RGS6: variants seen among roughly 807,000 people sequenced by gnomAD.
The protein encoded by RGS6 is regulator of G-protein signaling 6.
A neutral mutation model predicts 78.5 loss-of-function variants in RGS6; 30 were observed. The observed-to-expected ratio is 0.38, with a 90% CI of 0.29 to 0.52. RGS6 has a LOEUF of 0.52. Among genes scored for constraint, RGS6 ranks in the 20% least tolerant of loss-of-function variants. RGS6 has a pLI of 0.85. For synonymous variants in RGS6, 206 were observed against 206.0 expected (o/e 1.00, Z 0.00); for missense variants, 495 against 609.7 (o/e 0.81, Z 1.98).
At chr14:72,271,375 G>A (rs530529140) in intron 2 of RGS6, among the ~76,000 whole-genome samples, 3 of 152,210 alleles carry the variant, frequency 2.0e-5, no homozygotes, top group East Asian at 1.9e-4. Flanking sequence ...AGACTTATTC[G>A]CTACCATGAG....
At chr14:72,030,596 T>TACTGATTTCTTTTTCTGTTAGATA (rs201784586) in intron 2 of RGS6, among the ~76,000 whole-genome samples, 7,486 of 152,282 alleles carry the variant, frequency 0.049, 268 homozygotes, top group African/African-American at 0.097. Context: ...TCATAATTGT[T>TACTGATTTCTTTTTCTGTTAGATA]AAGGTGTAGG....
the RGS6 span, among the ~76,000 whole-genome samples, chr14:72,611,160 G>C: frequency 2.1e-4 from 32 of 152,166 alleles, no homozygotes; most frequent in Non-Finnish European, 4.1e-4. Flanking sequence ...TCCACACATG[G>C]ACAGATACAC....
intron 2 of RGS6, among the ~76,000 whole-genome samples, chr14:72,101,365 G>A (rs561756995): frequency 6.6e-6 from 1 of 152,194 alleles, no homozygotes; most frequent in Non-Finnish European, 1.5e-5. Flanking sequence ...TCAAAAGTAA[G>A]CATTGATGTG....
the RGS6 span, among the ~76,000 whole-genome samples, chr14:71,923,453 G>T: frequency 4.6e-5 from 7 of 152,328 alleles, no homozygotes; most frequent in African/African-American, 1.7e-4. Context: ...TGGCATGGTG[G>T]TGTACACCTG....
At chr14:72,391,683 TG>T (rs1433649437) in intron 3 of RGS6, among the ~76,000 whole-genome samples, 1 of 152,234 alleles carries the variant, frequency 6.6e-6, no homozygotes, top group Non-Finnish European at 1.5e-5. Flanking sequence ...TGTGCCATGT[TG>T]GTTTGCTGCA....
chr14:72,300,564 T>C (rs847364), intron 2 of RGS6, among the ~76,000 whole-genome samples: 48,557 of 152,084 alleles, frequency 0.32, 8,016 homozygotes, highest in South Asian at 0.39. Flanking sequence ...ATTTTTATGG[T>C]CTAACTTTAG....
chr14:71,981,833 T>C (rs933998460), intron 2 of RGS6, among the ~76,000 whole-genome samples: 1 of 148,782 alleles, frequency 6.7e-6, no homozygotes, highest in Non-Finnish European at 1.5e-5. Context: ...GCTTCCCGGC[T>C]GCTTTGTTTA....
chr14:72,616,710 G>C, the RGS6 span, among the ~76,000 whole-genome samples: 331 of 152,240 alleles, frequency 2.2e-3, no homozygotes, highest in South Asian at 4.2e-3. Flanking sequence ...CTACTCCATG[G>C]CAGAGGCAAC....
intron 12 of RGS6, among the ~76,000 whole-genome samples, chr14:72,479,766 G>GC (rs1566947009): frequency 6.6e-6 from 1 of 152,130 alleles, no homozygotes. Context: ...TGGTTCCTTT[G>GC]CCCCAGAAAG....
At position 72,564,162 on chromosome 14, in the gene RGS6, G is replaced by A. The variant is rs996001721; in HGVS notation, c.*1695G>A. 2.0e-5 allele frequency: 3 copies of A among 152,208 alleles called. No homozygotes were observed. The highest frequency in any genetic ancestry group is 1.9e-4 in the East Asian group (1 of 5,190). The allele number at this position is 152,208 out of a possible 1,614,324, so 9.4% of individuals were successfully genotyped here. A position where few individuals can be genotyped will look rare whatever the true frequency, so the allele number is the denominator to read the frequency against. ...TTCTGTCCCTCACAGCAGTGCCATC[G>A]CGGGCATTAGGAGTCTTCGTTATGT... On this transcript the variant is annotated 3_prime_UTR_variant, in exon 18 of 18. Coordinates refer to ENST00000553525, the MANE Select transcript of RGS6 (RefSeq NM_001204424.2).
At chr14:72,628,886 TGGAG>T in the RGS6 span, among the ~76,000 whole-genome samples, 1 of 152,314 alleles carries the variant, frequency 6.6e-6, no homozygotes, top group South Asian at 2.1e-4. Context: ...GAGAATAAGA[TGGAG>T]GGAAAAGTCT....
intron 3 of RGS6, among the ~76,000 whole-genome samples, chr14:72,441,481 G>A (rs1436184171): frequency 6.6e-6 from 1 of 152,224 alleles, no homozygotes; most frequent in Non-Finnish European, 1.5e-5. Context: ...CCAGGGCAGT[G>A]CAGCTTGGTC....
chr14:72,006,673 A>T (rs997363276), intron 2 of RGS6, among the ~76,000 whole-genome samples: 8 of 152,248 alleles, frequency 5.3e-5, no homozygotes, highest in African/African-American at 1.9e-4. Flanking sequence ...CCGTCCGTCT[A>T]AATGGCTCCC....
intron 2 of RGS6, among the ~76,000 whole-genome samples, chr14:72,282,395 A>T (rs17769357): frequency 6.6e-6 from 1 of 152,132 alleles, no homozygotes; most frequent in African/African-American, 2.4e-5. Flanking sequence ...GCAATGCCCA[A>T]ATTATAAGAA....
At chr14:72,620,052 G>T in the RGS6 span, 1 of 1,429,518 alleles carries the variant, frequency 7.0e-7, no homozygotes, top group Non-Finnish European at 9.3e-7. Context: ...TCTGGCCCCC[G>T]CTTACCCATC....
the RGS6 span, among the ~76,000 whole-genome samples, chr14:72,622,880 C>A: frequency 1.5e-3 from 229 of 152,206 alleles, 1 homozygote; most frequent in Non-Finnish European, 3.0e-3. Context: ...AAGGCTCTGC[C>A]AAGTCAACAA....
At chr14:72,083,523 G>A (rs1181755793) in intron 2 of RGS6, among the ~76,000 whole-genome samples, 3 of 152,156 alleles carry the variant, frequency 2.0e-5, no homozygotes, top group African/African-American at 7.2e-5. Flanking sequence ...CTGAAGCACA[G>A]GGCTAAGGAG....
In RGS6 at chr14:72,537,791, G is replaced by A. The variant is rs372727403; in HGVS notation, c.1368+1516G>A. The A allele has an allele frequency of 3.1e-5, 17 of 545,654 alleles. No individual in the cohort carries two copies. The South Asian group carries it at 3.6e-4, about 12-fold the overall frequency. 33.8% of individuals were successfully genotyped at this position (545,654 alleles called of 1,614,324 possible). On this transcript the variant is annotated intron_variant, in intron 16 of 17. Coordinates refer to ENST00000553525, the MANE Select transcript of RGS6 (RefSeq NM_001204424.2). ...AGTTTGGTGACTTTCTAAGGCTCTG[G>A]TAGTTTAACCAGTCTAGGCCTGTCT...
intron 6 of RGS6, among the ~76,000 whole-genome samples, chr14:72,460,838 T>C (rs771545550): frequency 1.3e-5 from 2 of 151,898 alleles, no homozygotes; most frequent in Non-Finnish European, 2.9e-5. Context: ...GGGAGACCCA[T>C]GGGATAAGAT....
Sources: gnomAD v4.1 joint callset for allele counts (sites outside exome capture counted in the v4.1 genomes callset) on GRCh38, gnomAD v4.1.1 for gene constraint, MANE v1.5 for transcripts, NCBI Gene and HGNC (gene_info 2026-07-23, HGNC 2026-07-21) for gene names.